TNNI3: variants seen among roughly 807,000 people sequenced by gnomAD.
TNNI3 encodes the protein troponin I, cardiac muscle.
In TNNI3, 23 loss-of-function variants were observed where a neutral mutation model predicts 31.5. The ratio of observed to expected loss-of-function variants is 0.73; its 90% CI spans 0.52 to 1.03. The LOEUF (loss-of-function observed/expected upper bound fraction) is 1.03, where lower values mean the gene tolerates loss of function less well. Among genes scored for constraint, TNNI3 ranks in the 50% least tolerant of loss-of-function variants. The pLI is 0.00. For synonymous variants in TNNI3, 120 were observed against 111.7 expected, an observed-to-expected ratio of 1.07 and a Z score of -0.47; for missense variants, 236 against 282.9, an observed-to-expected ratio of 0.83 and a Z score of 1.19.
At chr19:55,155,687 A>G in intron 5 of TNNI3, among the ~76,000 whole-genome samples, 1 of 60,602 alleles carries the variant, frequency 1.7e-5, no homozygotes, top group African/African-American at 8.0e-5. Context: ...TGGGGACTGG[A>G]CTCCTGGGTC....
chr19:55,157,215 A>G lies in TNNI3; in HGVS notation c.24+81T>C, dbSNP rs1282661293. On this transcript the variant is annotated intron_variant, in intron 2 of 7. Coordinates refer to ENST00000344887, the MANE Select transcript of TNNI3 (RefSeq NM_000363.5). The surrounding 1 kb of genome is among the most constrained non-coding windows in gnomAD (Gnocchi z 6.3). ...GTACCGCACCCTCTGCTAGGGCTGC[A>G]GCCTCCCGCCCCAGACCCCTCACTG... 1.6e-5 allele frequency: 25 copies of G among 1,598,632 alleles called. No homozygotes were observed. The highest frequency in any genetic ancestry group is 2.0e-5 in the Non-Finnish European group (24 of 1,173,436).
Position 55,154,839 on chromosome 19 carries a change from G to A in TNNI3, c.283-9C>T, listed in dbSNP as rs759922995. 1.9e-5 allele frequency: 31 copies of A among 1,613,856 alleles called. No individual in the cohort carries two copies. The highest frequency in any genetic ancestry group is 1.9e-4 in the South Asian group (17 of 91,072). On this transcript the variant is annotated splice_polypyrimidine_tract_variant and intron_variant, in intron 5 of 7. Transcript: ENST00000344887. Reference sequence around the variant, plus strand: ...AGCTGTCGGCACAAGTCCTGGAGGAGGAACGTGGTGTGTGTTGTTGGGGGA... The same window carrying A: ...AGCTGTCGGCACAAGTCCTGGAGGAAGAACGTGGTGTGTGTTGTTGGGGGA...
In TNNI3 at chr19:55,153,045, G is replaced by A. The variant is rs112108628; in HGVS notation, c.549+985C>T. 7.2e-3 allele frequency among the ~76,000 whole-genome samples: 1,101 copies of A among 151,978 alleles called. 17 individuals are homozygous for A. The highest frequency in any genetic ancestry group is 0.024 in the African/African-American group (975 of 41,446). ...AAACTCCTGACCTCATGATCCGCCC[G>A]CCTTGGCCTCCCAAAGCGCTGGGAT... is the stretch of plus-strand genomic sequence containing the variant. On this transcript the variant is annotated intron_variant, in intron 7 of 7. Transcript: ENST00000344887.
intron 7 of TNNI3, among the ~76,000 whole-genome samples, 171 bp downstream of exon 7, chr19:55,153,859 C>T (rs556286019): frequency 1.3e-3 from 8 of 5,990 alleles, no homozygotes; most frequent in South Asian, 9.3e-3. Flanking sequence ...AGCCCTAATG[C>T]ACTTCCTGTC....
At position 55,157,680 on chromosome 19, in the gene TNNI3, G is replaced by A; in HGVS notation, c.-91C>T. ...GGGGGCCGCCCGGGTGACCTTCAGGGTCCCAGGGACCGTCAGTCTCCTCCG... is the reference window on the plus strand; with the variant it reads ...GGGGGCCGCCCGGGTGACCTTCAGGATCCCAGGGACCGTCAGTCTCCTCCG... On this transcript the variant is annotated 5_prime_UTR_variant, in exon 1 of 8. Transcript: ENST00000344887. The surrounding 1 kb of genome is among the most constrained non-coding windows in gnomAD (Gnocchi z 6.3). 6.6e-7 allele frequency: 1 copy of A among 1,513,300 alleles called. No individual in the cohort carries two copies. The highest frequency in any genetic ancestry group is 9.1e-7 in the Non-Finnish European group (1 of 1,094,048). 93.7% of individuals were successfully genotyped at this position (1,513,300 alleles called of 1,614,324 possible). A position where few individuals can be genotyped will look rare whatever the true frequency, so the allele number is the denominator to read the frequency against.
chr19:55,156,191 G>A lies in TNNI3; in HGVS notation c.282+10C>T. 2 of 1,612,748 alleles carry A rather than the reference G, an allele frequency of 1.2e-6. No individual in the cohort carries two copies. Among genetic ancestry groups the A allele is most frequent in the Non-Finnish European group, 1.7e-6 (2 of 1,179,842 alleles). Reference sequence around the variant, plus strand: ...GGGACTAGAAACCTCGCATCCTTGGGAGCCGGTACCTGCAGCTCCGCGAAG... The same window carrying A: ...GGGACTAGAAACCTCGCATCCTTGGAAGCCGGTACCTGCAGCTCCGCGAAG... On this transcript the variant is annotated intron_variant, in intron 5 of 7. Coordinates refer to ENST00000344887, the MANE Select transcript of TNNI3 (RefSeq NM_000363.5). The surrounding 1 kb of genome is among the most constrained non-coding windows in gnomAD (Gnocchi z 4.6).
chr19:55,156,275 C>T lies in TNNI3; in HGVS notation c.208G>A (p.Gly70Arg), dbSNP rs730881067. The change falls in exon 5 of 8, where the codon GGA becomes AGA. Residue 70 changes from glycine to arginine, a missense_variant. Coordinates refer to ENST00000344887, the MANE Select transcript of TNNI3 (RefSeq NM_000363.5). The surrounding 1 kb of genome is among the most constrained non-coding windows in gnomAD (Gnocchi z 4.6). Reference sequence around the variant, plus strand: ...GTGCTCAGAGCGCGCCCCTTCTCTCCGCGCCGCTCCTCCGCCTCTCGCTCC... The same window carrying T: ...GTGCTCAGAGCGCGCCCCTTCTCTCTGCGCCGCTCCTCCGCCTCTCGCTCC... ...ELEREAEERR[G>R]EKGRALSTRC... 1.1e-5 allele frequency: 17 copies of T among 1,611,472 alleles called. No homozygotes were observed. The highest frequency in any genetic ancestry group is 1.4e-5 in the Non-Finnish European group (17 of 1,179,488).
Position 55,151,798 on chromosome 19 carries a change from G to A in TNNI3, c.*36C>T. 5 of 1,583,196 alleles carry A rather than the reference G, an allele frequency of 3.2e-6. No homozygotes were observed. The highest frequency in any genetic ancestry group is 3.5e-6 in the Non-Finnish European group (4 of 1,151,924). On this transcript the variant is annotated 3_prime_UTR_variant, in exon 8 of 8. Coordinates refer to ENST00000344887, the MANE Select transcript of TNNI3 (RefSeq NM_000363.5). Reference sequence around the variant, plus strand: ...CTCAGAGAGAAGCTTTATTCCTCAGGGCCCTCCTCAGGGCAGGGGCAGTAG... The same window carrying A: ...CTCAGAGAGAAGCTTTATTCCTCAGAGCCCTCCTCAGGGCAGGGGCAGTAG...
At position 55,156,987 on chromosome 19, in the gene TNNI3, C is replaced by G. The variant is rs2085736636; in HGVS notation, c.108+63G>C. The G allele has an allele frequency of 7.9e-6, 12 of 1,519,398 alleles. No individual in the cohort carries two copies. Among genetic ancestry groups the G allele is most frequent in the East Asian group, 2.4e-5 (1 of 41,804 alleles). 94.1% of individuals were successfully genotyped at this position (1,519,398 alleles called of 1,614,324 possible). On this transcript the variant is annotated intron_variant, in intron 3 of 7. Transcript: ENST00000344887. The surrounding 1 kb of genome is among the most constrained non-coding windows in gnomAD (Gnocchi z 4.6). ...CCCTTCGCAGCCCTGGCTCCTCCCC[C>G]CACTCCCAGGGTCTTGGATCCCTCC...
intron 6 of TNNI3, 71 bp from the exon 7 acceptor site, chr19:55,154,277 C>T (rs892779856): frequency 6.7e-7 from 1 of 1,495,796 alleles, no homozygotes; most frequent in African/African-American, 1.4e-5. Flanking sequence ...ATCCTACACT[C>T]CTTTTTTATT....
In TNNI3 at chr19:55,156,393, G is replaced by C; in HGVS notation, c.151-61C>G. The C allele has an allele frequency of 6.4e-7, 1 of 1,571,902 alleles. No homozygotes were observed. Among genetic ancestry groups the C allele is most frequent in the Non-Finnish European group, 8.6e-7 (1 of 1,158,448 alleles). On this transcript the variant is annotated intron_variant, in intron 4 of 7. Transcript: ENST00000344887. This position sits in a 1 kb window ranked among gnomAD's most constrained non-coding sequence, Gnocchi z 4.6. ...GGGCTTCAGGATAAAGACCAGGCGTGGGGAACCGCCTCTGCCCTTCTAAAC... is the reference window on the plus strand; with the variant it reads ...GGGCTTCAGGATAAAGACCAGGCGTCGGGAACCGCCTCTGCCCTTCTAAAC...
In TNNI3 at chr19:55,156,453, T is replaced by C; in HGVS notation, c.151-121A>G. 6.6e-7 allele frequency: 1 copy of C among 1,507,030 alleles called. No homozygotes were observed. The allele number at this position is 1,507,030 out of a possible 1,614,324, so 93.4% of individuals were successfully genotyped here. A position where few individuals can be genotyped will look rare whatever the true frequency, so the allele number is the denominator to read the frequency against. ...TGGTCTCCACTGTTCCAAGGCCCCG[T>C]CCCACCCCGAGCAGTACTCCCCGCT... On this transcript the variant is annotated intron_variant, in intron 4 of 7. Coordinates refer to ENST00000344887, the MANE Select transcript of TNNI3 (RefSeq NM_000363.5). The surrounding 1 kb of genome is among the most constrained non-coding windows in gnomAD (Gnocchi z 4.6).
rs1202872429 is a variant in TNNI3 at position 55,152,659 on chromosome 19, T to A, written c.550-742A>T. 6.6e-6 allele frequency among the ~76,000 whole-genome samples: 1 copy of A among 152,230 alleles called. No homozygotes were observed. Among genetic ancestry groups the A allele is most frequent in the Non-Finnish European group, 1.5e-5 (1 of 68,048 alleles). On this transcript the variant is annotated intron_variant, in intron 7 of 7. Coordinates refer to ENST00000344887, the MANE Select transcript of TNNI3 (RefSeq NM_000363.5). The surrounding 1 kb of genome is among the most constrained non-coding windows in gnomAD (Gnocchi z 4.0). The stretch of plus-strand genomic sequence containing the variant: ...ATTATTATTTGAGACAGGGTCTGGC[T>A]GCCTCATCCAAGCTGGAGTGCAGTC...
At position 55,156,245 on chromosome 19, in the gene TNNI3, A is replaced by G; in HGVS notation, c.238T>C (p.Cys80Arg). Residue 80 changes from cysteine to arginine, a missense_variant, in exon 5 of 8, where the codon TGC (cysteine) becomes CGC (arginine). This residue lies in a region of TNNI3 where 172 missense variants were observed against 171.8 expected (regional missense o/e 1.00). Transcript: ENST00000344887. The surrounding 1 kb of genome is among the most constrained non-coding windows in gnomAD (Gnocchi z 4.6). ...AGCCCGGCCAACTCCAGCGGCTGGC[A>G]GCGGGTGCTCAGAGCGCGCCCCTTC... ...GEKGRALSTR[C>R]QPLELAGLGF... is the part of the protein sequence containing the mutation. The G allele has an allele frequency of 6.2e-7, 1 of 1,612,444 alleles. No individual in the cohort carries two copies. The highest frequency in any genetic ancestry group is 1.1e-5 in the South Asian group (1 of 91,062).
At chr19:55,155,197 G>T (rs188696143) in intron 5 of TNNI3, among the ~76,000 whole-genome samples, 667 of 56,916 alleles carry the variant, frequency 0.012, 11 homozygotes, top group Non-Finnish European at 0.018. Flanking sequence ...AGGGTCTGAG[G>T]GAGGAGGGGC....
In TNNI3 at chr19:55,152,475, T is replaced by A. The variant is rs1324350314; in HGVS notation, c.550-558A>T. Among the ~76,000 whole-genome samples, 2 of 152,232 alleles carry A rather than the reference T, an allele frequency of 1.3e-5. No homozygotes were observed. Among genetic ancestry groups the A allele is most frequent in the Non-Finnish European group, 2.9e-5 (2 of 68,044 alleles). The stretch of plus-strand genomic sequence containing the variant: ...ATAGTAGCCTAACGCCAGGTCATAA[T>A]GCCTATGTCATCCACCTCACCTCAT... On this transcript the variant is annotated intron_variant, in intron 7 of 7. Coordinates refer to ENST00000344887, the MANE Select transcript of TNNI3 (RefSeq NM_000363.5). This position sits in a 1 kb window ranked among gnomAD's most constrained non-coding sequence, Gnocchi z 4.0.
intron 5 of TNNI3, among the ~76,000 whole-genome samples, chr19:55,155,057 A>T (rs1189045689): frequency 2.5e-5 from 2 of 79,904 alleles, no homozygotes; most frequent in Non-Finnish European, 4.8e-5. Flanking sequence ...CTGAGGGAGG[A>T]GGGGCTGAGG....
In TNNI3 at chr19:55,151,928, G is replaced by A. The variant is rs886054635; in HGVS notation, c.550-11C>T. On this transcript the variant is annotated splice_polypyrimidine_tract_variant and intron_variant, in intron 7 of 7. Transcript: ENST00000344887. ...CACCTCCCGGTTTTCCTGGAGGATGGCGATGAGTCAGAGGTTAGGGTCTCT... is the reference window on the plus strand; with the variant it reads ...CACCTCCCGGTTTTCCTGGAGGATGACGATGAGTCAGAGGTTAGGGTCTCT... The A allele has an allele frequency of 6.2e-7, 1 of 1,613,560 alleles. No homozygotes were observed. The highest frequency in any genetic ancestry group is 1.7e-5 in the Admixed American group (1 of 59,994).
At chr19:55,154,346 C>A in intron 6 of TNNI3, 140 bp from the exon 7 acceptor site, 1 of 890,472 alleles carries the variant, frequency 1.1e-6, no homozygotes, top group South Asian at 1.5e-5. Context: ...CTTAGGCTCC[C>A]AGTCTAGGCT....
Sources: allele counts gnomAD v4.1 joint callset (sites outside exome capture counted in the v4.1 genomes callset), GRCh38; gene constraint gnomAD v4.1.1; regional missense constraint gnomAD v4.1.1; non-coding constraint Gnocchi (gnomAD v3.1); transcripts MANE v1.5; gene names NCBI Gene and HGNC (gene_info 2026-07-23, HGNC 2026-07-21).